The following DTWD2 variants were observed in gnomAD, a reference collection of about 807,000 sequenced individuals.
The protein encoded by DTWD2 is DTW motif tRNA-uridine aminocarboxypropyltransferase 2.
In DTWD2, 39 loss-of-function variants were observed where a neutral mutation model predicts 31.8. The ratio of observed to expected loss-of-function variants is 1.22; its 90% CI spans 0.95 to 1.60. The LOEUF is 1.60. DTWD2 is among the 40% of genes most tolerant of loss of function. The pLI, the probability that DTWD2 is intolerant of heterozygous loss-of-function variation, is 0.00. For missense variants in DTWD2, 515 were observed against 381.5 expected (o/e 1.35, Z -2.92); for synonymous variants, 180 against 142.8 (o/e 1.26, Z -1.86).
chr5:118,918,070 C>T (rs1190554000), intron 4 of DTWD2, among the ~76,000 whole-genome samples: 2 of 152,106 alleles, frequency 1.3e-5, no homozygotes, highest in African/African-American at 4.8e-5. Context: ...ACCCCCAACA[C>T]ATGGGGATTA....
intron 1 of DTWD2, among the ~76,000 whole-genome samples, chr5:118,975,829 C>A (rs561857327): frequency 6.6e-5 from 10 of 152,196 alleles, no homozygotes; most frequent in African/African-American, 2.4e-4. Context: ...GAACTCAGCT[C>A]TGGACCAAGT....
intron 4 of DTWD2, among the ~76,000 whole-genome samples, chr5:118,923,572 C>G (rs1486494918): frequency 6.6e-6 from 1 of 152,170 alleles, no homozygotes. Context: ...GGGAAAGAGG[C>G]GAACCTATAA....
chr5:118,873,197 G>A (rs1003043651), intron 4 of DTWD2, among the ~76,000 whole-genome samples: 19 of 152,320 alleles, frequency 1.2e-4, no homozygotes, highest in African/African-American at 4.3e-4. Flanking sequence ...AGTGTCTATA[G>A]TGGAGCACAG....
At chr5:118,912,702 C>T (rs903497870) in intron 4 of DTWD2, among the ~76,000 whole-genome samples, 1 of 152,226 alleles carries the variant, frequency 6.6e-6, no homozygotes, top group Admixed American at 6.5e-5. Context: ...CCTGCTGCTT[C>T]CCTTTGAAAT....
chr5:118,944,610 C>G lies in DTWD2; in HGVS notation c.258G>C (p.Ala86=). The G allele has an allele frequency of 6.2e-7, 1 of 1,613,006 alleles. No homozygotes were observed. ...AGTGGGTAGAGATATGCAGAGGGTG[C>G]GCTGGGAGAAATGGACACAAACACA... ...QKVCLCPFLP[A]HPLHISTHLY... The change falls in exon 2 of 6, where the codon GCG becomes GCC. Residue 86 remains alanine (A), a synonymous_variant. Coordinates refer to ENST00000510708, the MANE Select transcript of DTWD2 (RefSeq NM_173666.4).
At chr5:118,979,905 A>G (rs1272317328) in intron 1 of DTWD2, among the ~76,000 whole-genome samples, 1 of 152,214 alleles carries the variant, frequency 6.6e-6, no homozygotes, top group African/African-American at 2.4e-5. Flanking sequence ...TGGGCTTAAT[A>G]CCTAGGGGAT....
At chr5:118,905,168 T>G (rs537132932) in intron 4 of DTWD2, among the ~76,000 whole-genome samples, 1 of 152,276 alleles carries the variant, frequency 6.6e-6, no homozygotes, top group African/African-American at 2.4e-5. Context: ...AACACTACAT[T>G]ACCCACATTT....
At chr5:118,911,660 T>C (rs1419566636) in intron 4 of DTWD2, among the ~76,000 whole-genome samples, 6 of 152,182 alleles carry the variant, frequency 3.9e-5, no homozygotes, top group Non-Finnish European at 7.3e-5. Flanking sequence ...TGTATATATA[T>C]ACATGCACAC....
intron 4 of DTWD2, among the ~76,000 whole-genome samples, chr5:118,925,297 C>T (rs547217984): frequency 3.3e-5 from 5 of 152,170 alleles, no homozygotes; most frequent in African/African-American, 9.6e-5. Context: ...AAGAAAAATA[C>T]AATTAACAAA....
intron 4 of DTWD2, among the ~76,000 whole-genome samples, chr5:118,849,818 T>A (rs1298456491): frequency 6.6e-6 from 1 of 151,402 alleles, no homozygotes; most frequent in African/African-American, 2.4e-5. Flanking sequence ...TAAGTGGGAG[T>A]TGAACAATGA....
chr5:118,950,537 G>T (rs932495332), intron 1 of DTWD2, among the ~76,000 whole-genome samples: 3 of 152,178 alleles, frequency 2.0e-5, no homozygotes, highest in Non-Finnish European at 2.9e-5. Flanking sequence ...AATTCCAGGG[G>T]CTCTGGGAGT....
chr5:118,961,253 A>G (rs1754700068), intron 1 of DTWD2, among the ~76,000 whole-genome samples: 1 of 152,174 alleles, frequency 6.6e-6, no homozygotes, highest in African/African-American at 2.4e-5. Flanking sequence ...TATCATAATC[A>G]TCTCACGTTC....
At chr5:118,937,248 A>C (rs185529249) in intron 3 of DTWD2, among the ~76,000 whole-genome samples, 1 of 152,238 alleles carries the variant, frequency 6.6e-6, no homozygotes, top group African/African-American at 2.4e-5. Flanking sequence ...CACAAAACTC[A>C]ACAAACACCC....
At chr5:118,866,849 A>C (rs989971160) in intron 4 of DTWD2, among the ~76,000 whole-genome samples, 78 of 152,118 alleles carry the variant, frequency 5.1e-4, no homozygotes, top group Non-Finnish European at 1.2e-4. Context: ...CCTGGGAGGC[A>C]GAGGTTGCAG....
chr5:118,919,312 G>T (rs1215899170), intron 4 of DTWD2, among the ~76,000 whole-genome samples: 1 of 152,214 alleles, frequency 6.6e-6, no homozygotes, highest in Admixed American at 6.5e-5. Flanking sequence ...CCTTCACAGA[G>T]AATGTAAACA....
chr5:118,884,477 C>T (rs773011616), intron 4 of DTWD2, among the ~76,000 whole-genome samples: 12 of 152,086 alleles, frequency 7.9e-5, no homozygotes, highest in Non-Finnish European at 1.2e-4. Context: ...ACTAAATTAT[C>T]GACACACTCA....
intron 1 of DTWD2, among the ~76,000 whole-genome samples, chr5:118,952,014 C>A (rs1045406883): frequency 6.6e-6 from 1 of 152,006 alleles, no homozygotes; most frequent in Non-Finnish European, 1.5e-5. Flanking sequence ...AAGAAAGGAA[C>A]TGAAATTAAG....
intron 4 of DTWD2, among the ~76,000 whole-genome samples, chr5:118,925,247 A>G (rs1263698183): frequency 6.6e-6 from 1 of 152,242 alleles, no homozygotes; most frequent in Non-Finnish European, 1.5e-5. Context: ...ATCCTTTTAC[A>G]GTATCAAACA....
intron 4 of DTWD2, among the ~76,000 whole-genome samples, chr5:118,924,867 G>T (rs1753776747): frequency 6.6e-6 from 1 of 152,028 alleles, no homozygotes; most frequent in African/African-American, 2.4e-5. Flanking sequence ...TCTGTACTTT[G>T]GTTTCCTCAT....
Sources: gnomAD v4.1 joint callset for allele counts (sites outside exome capture counted in the v4.1 genomes callset) on GRCh38, gnomAD v4.1.1 for gene constraint, MANE v1.5 for transcripts, NCBI Gene and HGNC (gene_info 2026-07-23, HGNC 2026-07-21) for gene names.